LARS2: variants seen among roughly 807,000 people sequenced by gnomAD.
LARS2 encodes leucine--tRNA ligase, mitochondrial.
A neutral mutation model predicts 116.6 loss-of-function variants in LARS2; 81 were observed. That is an observed-to-expected ratio of 0.69 (90% CI 0.58 to 0.84). The LOEUF (loss-of-function observed/expected upper bound fraction) is 0.84. LARS2 is among the 40% of genes least tolerant of loss of function. The pLI is 0.00. For synonymous variants in LARS2, 396 were observed against 407.2 expected (o/e 0.97, Z 0.33); for missense variants, 968 against 1,114.5 (o/e 0.87, Z 1.87).
chr3:45,400,537 ATAT>A (rs1171895280), intron 4 of LARS2, among the ~76,000 whole-genome samples, 164 bp downstream of exon 4: 2 of 152,218 alleles, frequency 1.3e-5, no homozygotes, highest in African/African-American at 2.4e-5. Flanking sequence ...GGATTAGATG[ATAT>A]TATAATAAAG....
chr3:45,536,000 A>T (rs1700699684), intron 20 of LARS2, among the ~76,000 whole-genome samples: 1 of 152,208 alleles, frequency 6.6e-6, no homozygotes, highest in African/African-American at 2.4e-5. Context: ...GATTTTTTAA[A>T]TTGCCTTTCT....
chr3:45,516,579 G>T (rs981851703), intron 17 of LARS2, among the ~76,000 whole-genome samples: 1 of 152,196 alleles, frequency 6.6e-6, no homozygotes, highest in Non-Finnish European at 1.5e-5. Context: ...CAAGCTCAGC[G>T]GTGATTCCAG....
At chr3:45,452,025 G>C (rs2125707041) in intron 7 of LARS2, among the ~76,000 whole-genome samples, 1 of 152,210 alleles carries the variant, frequency 6.6e-6, no homozygotes, top group East Asian at 1.9e-4. Context: ...GCTGATTTCT[G>C]TGTGTTGATT....
At chr3:45,400,441 G>A (rs541087309) in intron 4 of LARS2, 68 bp downstream of exon 4, 3 of 1,469,104 alleles carry the variant, frequency 2.0e-6, no homozygotes, top group Non-Finnish European at 2.7e-6. Context: ...AGTAATATGT[G>A]TTCAAGACAA....
At chr3:45,541,419 G>A (rs1306106223) in intron 20 of LARS2, among the ~76,000 whole-genome samples, 8 of 152,128 alleles carry the variant, frequency 5.3e-5, no homozygotes, top group Non-Finnish European at 1.0e-4. Context: ...AGAACAGGTT[G>A]GGAGGCATTC....
rs537310467 is a variant in LARS2, at chr3:45,547,707, G to C, written c.*177G>C. On this transcript the variant is annotated 3_prime_UTR_variant, in exon 22 of 22. Coordinates refer to ENST00000645846, the MANE Select transcript of LARS2 (RefSeq NM_015340.4). ...TGCCTCTGTAGTGTGGCCTGGTGCT[G>C]GGGTGAAGGTGAGCTGGGCAAAGGA... The C allele has an allele frequency of 1.7e-6, 1 of 576,048 alleles. No individual in the cohort carries two copies. The highest frequency in any genetic ancestry group is 2.4e-5 in the South Asian group (1 of 41,602). The allele number at this position is 576,048 out of a possible 1,614,324, so 35.7% of individuals were successfully genotyped here.
Position 45,394,686 on chromosome 3 carries a change from A to C in LARS2, c.233A>C (p.Asp78Ala). Residue 78 changes from aspartate to alanine, a missense_variant and splice_region_variant, in exon 3 of 22, where the codon GAT becomes GCT. Transcript: ENST00000645846. ...KEQASKISEA[D>A]KSKPKFYVLS... ...CAGGCCTCCAAAATTTCAGAAGCTGATGTGAGTATTCTGAGAGATTCTAAG... is the reference window on the plus strand; with the variant it reads ...CAGGCCTCCAAAATTTCAGAAGCTGCTGTGAGTATTCTGAGAGATTCTAAG... 6.2e-7 allele frequency: 1 copy of C among 1,601,408 alleles called. No homozygotes were observed. Among genetic ancestry groups the C allele is most frequent in the Non-Finnish European group, 8.6e-7 (1 of 1,168,410 alleles).
chr3:45,520,553 A>G (rs1276226950), intron 19 of LARS2, among the ~76,000 whole-genome samples: 2 of 152,196 alleles, frequency 1.3e-5, no homozygotes, highest in African/African-American at 4.8e-5. Context: ...GGGAAGTTAG[A>G]TGACATGTCT....
chr3:45,535,894 G>A (rs1700698356), intron 20 of LARS2, among the ~76,000 whole-genome samples: 1 of 152,182 alleles, frequency 6.6e-6, no homozygotes, highest in African/African-American at 2.4e-5. Context: ...GTGACCATTG[G>A]AGGAGGCTGG....
intron 6 of LARS2, among the ~76,000 whole-genome samples, chr3:45,444,561 GGCTGAGGC>G (rs1418178232): frequency 1.4e-5 from 2 of 140,802 alleles, no homozygotes; most frequent in East Asian, 4.2e-4. Flanking sequence ...CTACTTGGTA[GGCTGAGGC>G]AGGAGAATGG....
chr3:45,487,333 A>G (rs1343342642), intron 11 of LARS2, among the ~76,000 whole-genome samples: 3 of 152,202 alleles, frequency 2.0e-5, no homozygotes, highest in Admixed American at 2.0e-4. Flanking sequence ...CATTAGATGC[A>G]TTTTGTCTAT....
intron 15 of LARS2, among the ~76,000 whole-genome samples, chr3:45,505,688 A>G (rs1700191724): frequency 6.6e-6 from 1 of 152,014 alleles, no homozygotes. Context: ...GACACTGCCT[A>G]CAAAAAAAAG....
At chr3:45,541,304 G>C (rs1025648908) in intron 20 of LARS2, among the ~76,000 whole-genome samples, 5 of 152,088 alleles carry the variant, frequency 3.3e-5, no homozygotes, top group African/African-American at 1.2e-4. Flanking sequence ...TAAACGGAGG[G>C]CTCCTCTCCC....
intron 8 of LARS2, among the ~76,000 whole-genome samples, chr3:45,459,355 G>A (rs1000427082): frequency 1.3e-5 from 2 of 152,166 alleles, no homozygotes; most frequent in African/African-American, 4.8e-5. Context: ...GACTTCACAT[G>A]CTTAAATTTT....
At chr3:45,503,579 T>C (rs1169634559) in intron 15 of LARS2, among the ~76,000 whole-genome samples, 4 of 152,132 alleles carry the variant, frequency 2.6e-5, no homozygotes, top group Admixed American at 2.6e-4. Flanking sequence ...ATGTATTTTA[T>C]ACTCCAACTG....
rs1699915532 is a variant in LARS2, at chr3:45,491,540, T to A, written c.1263T>A (p.Asp421Glu). The change falls in exon 13 of 22, where the codon GAT (aspartate) becomes GAA (glutamate). Residue 421 changes from aspartate to glutamate, a missense_variant. Coordinates refer to ENST00000645846, the MANE Select transcript of LARS2 (RefSeq NM_015340.4). ...SAEFTGMTRQDAFLALTQKAR... is the reference protein window; with the variant it reads ...SAEFTGMTRQEAFLALTQKAR... ...AGTTCACAGGTATGACCCGGCAGGA[T>A]GCTTTTCTAGCCCTGACTCAGAAAG... 1.2e-6 allele frequency: 2 copies of A among 1,614,046 alleles called. No homozygotes were observed. The highest frequency in any genetic ancestry group is 1.3e-5 in the African/African-American group (1 of 74,920).
At chr3:45,462,501 C>A (rs1699347431) in intron 8 of LARS2, among the ~76,000 whole-genome samples, 1 of 152,124 alleles carries the variant, frequency 6.6e-6, no homozygotes, top group South Asian at 2.1e-4. Flanking sequence ...AAAACAAAAA[C>A]TTCCTCAAAA....
At chr3:45,497,746 A>T (rs1700040785) in intron 14 of LARS2, among the ~76,000 whole-genome samples, 1 of 152,104 alleles carries the variant, frequency 6.6e-6, no homozygotes, top group Admixed American at 6.6e-5. Context: ...AACTCTACCA[A>T]AAATACAAAA....
rs1180010440 is a variant in LARS2, at chr3:45,484,620, A to ATAT, written c.1019-1072_1019-1071insTAT. Among the ~76,000 whole-genome samples, 41 of 14,002 alleles carry ATAT rather than the reference A, an allele frequency of 2.9e-3. 2 individuals carry two copies. The highest frequency in any genetic ancestry group is 6.6e-3 in the Admixed American group (4 of 602). The allele number at this position is 14,002 out of a possible 152,430, so 9.2% of individuals were successfully genotyped here. A position where few individuals can be genotyped will look rare whatever the true frequency, so the allele number is the denominator to read the frequency against. On this transcript the variant is annotated intron_variant, in intron 10 of 21. Transcript: ENST00000645846. ...TGTCTCTACAAAAAAAAAAAAAAAAAAAAAAAAAAAATATATATATATATA... is the reference window on the plus strand; with the variant it reads ...TGTCTCTACAAAAAAAAAAAAAAAAATATAAAAAAAAAAATATATATATATATA...
Sources: allele counts gnomAD v4.1 joint callset (sites outside exome capture counted in the v4.1 genomes callset), GRCh38; gene constraint gnomAD v4.1.1; transcripts MANE v1.5; gene names NCBI Gene and HGNC (gene_info 2026-07-23, HGNC 2026-07-21).